CLYBL: variants seen among roughly 807,000 people sequenced by gnomAD.
CLYBL encodes the protein citramalyl-CoA lyase, mitochondrial.
In CLYBL, 31 loss-of-function variants were observed where a neutral mutation model predicts 38.9. The observed-to-expected ratio is 0.80, with a 90% CI of 0.60 to 1.08. The LOEUF (loss-of-function observed/expected upper bound fraction) is 1.08, where lower values mean the gene tolerates loss of function less well. Ranked by LOEUF, CLYBL falls within the 50% of genes least tolerant of loss-of-function variation. The probability of loss-of-function intolerance (pLI) is 0.00; values close to 1 mark genes in which losing one functional copy is unlikely to be tolerated. For missense variants in CLYBL, 434 were observed against 411.6 expected (o/e 1.05, Z -0.47); for synonymous variants, 171 against 158.6 (o/e 1.08, Z -0.59).
chr13:99,827,967 C>G (rs573246631), intron 2 of CLYBL, among the ~76,000 whole-genome samples: 1 of 152,148 alleles, frequency 6.6e-6, no homozygotes, highest in Non-Finnish European at 1.5e-5. Context: ...CATAGTCTCC[C>G]CTTCCCTTTG....
intron 1 of CLYBL, among the ~76,000 whole-genome samples, chr13:99,693,993 T>C (rs1029118150): frequency 6.6e-6 from 1 of 152,178 alleles, no homozygotes; most frequent in African/African-American, 2.4e-5. Context: ...TGCCCAAATT[T>C]ACAATAGGTT....
chr13:99,631,867 C>T (rs1240701254), intron 1 of CLYBL, among the ~76,000 whole-genome samples: 5 of 152,158 alleles, frequency 3.3e-5, no homozygotes, highest in Admixed American at 6.5e-5. Flanking sequence ...TCCCAAAGTG[C>T]TGGGATTACA....
chr13:99,785,191 C>CTTTTT lies in CLYBL; in HGVS notation c.249+12211_249+12215dup, dbSNP rs58550861. Among the ~76,000 whole-genome samples, 25 of 34,208 alleles carry CTTTTT rather than the reference C, an allele frequency of 7.3e-4. 1 individual carries two copies. Among genetic ancestry groups the CTTTTT allele is most frequent in the South Asian group, 3.3e-3 (2 of 614 alleles). 22.4% of individuals were successfully genotyped at this position (34,208 alleles called of 152,430 possible). On this transcript the variant is annotated intron_variant, in intron 2 of 8. Transcript: ENST00000339105. Reference sequence around the variant, plus strand: ...TACAGACTTGAGCCACCCCGCCTGGCTTTTTTTTTTTTTTTTTTTTTTTTT... The same window carrying CTTTTT: ...TACAGACTTGAGCCACCCCGCCTGGCTTTTTTTTTTTTTTTTTTTTTTTTTTTTTT...
intron 1 of CLYBL, among the ~76,000 whole-genome samples, chr13:99,736,433 A>G (rs1352864865): frequency 2.0e-5 from 3 of 151,856 alleles, no homozygotes; most frequent in Non-Finnish European, 4.4e-5. Context: ...AAATTTTAGG[A>G]TAATGGAGGT....
intron 2 of CLYBL, among the ~76,000 whole-genome samples, chr13:99,846,575 G>A (rs2051211451): frequency 6.6e-6 from 1 of 152,182 alleles, no homozygotes; most frequent in Non-Finnish European, 1.5e-5. Flanking sequence ...ATGTGCTGCT[G>A]AATATAAAGA....
rs549178767 is a variant in CLYBL at position 99,671,806 on chromosome 13, T to G, written c.62+65049T>G. Among the ~76,000 whole-genome samples the G allele has an allele frequency of 2.9e-4, 44 of 150,858 alleles. 4 individuals carry two copies. In the South Asian group the frequency reaches 9.0e-3, roughly 31 times the overall value. On this transcript the variant is annotated intron_variant, in intron 1 of 8. Coordinates refer to ENST00000339105, the MANE Select transcript of CLYBL (RefSeq NM_206808.5). ...AAAAAAAAAAAAAAATAATAAAAGC[T>G]ACTGCAAAAGTCCTCCTAGTAGGTG...
chr13:99,907,903 AGAC>A (rs1473300389), intron 9 of CLYBL, among the ~76,000 whole-genome samples: 1 of 152,146 alleles, frequency 6.6e-6, no homozygotes, highest in African/African-American at 2.4e-5. Flanking sequence ...CCAGGTGCCA[AGAC>A]TTTGGGCATG....
At chr13:99,674,725 A>G (rs975645570) in intron 1 of CLYBL, among the ~76,000 whole-genome samples, 2 of 152,144 alleles carry the variant, frequency 1.3e-5, no homozygotes, top group Non-Finnish European at 2.9e-5. Flanking sequence ...GGAACCAGCA[A>G]AGGAGATGGA....
intron 1 of CLYBL, among the ~76,000 whole-genome samples, chr13:99,765,578 G>A (rs2049252836): frequency 6.6e-6 from 1 of 151,446 alleles, no homozygotes; most frequent in Non-Finnish European, 1.5e-5. Context: ...TTTCCTCCCT[G>A]TGTCACCCAG....
In CLYBL at chr13:99,733,491, G is replaced by A. The variant is rs187802893; in HGVS notation, c.63-39333G>A. Reference sequence around the variant, plus strand: ...CTATTTCCCTTGCTTTTTATCTTGTGCACCACCAGTATACAACATAGTGGT... The same window carrying A: ...CTATTTCCCTTGCTTTTTATCTTGTACACCACCAGTATACAACATAGTGGT... On this transcript the variant is annotated intron_variant, in intron 1 of 8. Transcript: ENST00000339105. 5.9e-5 allele frequency among the ~76,000 whole-genome samples: 9 copies of A among 152,222 alleles called. No homozygotes were observed. In the East Asian group the frequency reaches 1.7e-3, roughly 29 times the overall value.
At chr13:99,885,097 G>T (rs749350819) in intron 7 of CLYBL, 3 of 530,190 alleles carry the variant, frequency 5.7e-6, no homozygotes, top group Non-Finnish European at 7.7e-6. Context: ...CAGGTCCTGG[G>T]AGTCAAAGGT....
At chr13:99,716,395 CT>C (rs71689410) in intron 1 of CLYBL, among the ~76,000 whole-genome samples, 108 of 135,202 alleles carry the variant, frequency 8.0e-4, no homozygotes, top group Middle Eastern at 3.7e-3. Flanking sequence ...CTTTTCTTTT[CT>C]TTTTTTTTTT....
At chr13:99,701,792 A>G (rs1706720734) in intron 1 of CLYBL, among the ~76,000 whole-genome samples, 1 of 152,170 alleles carries the variant, frequency 6.6e-6, no homozygotes, top group Admixed American at 6.6e-5. Flanking sequence ...CTCCTGCCTC[A>G]GCTTCCCGAA....
exon 10 of CLYBL, among the ~76,000 whole-genome samples, chr13:99,908,951 C>T (rs2052723855): frequency 1.3e-5 from 2 of 152,206 alleles, no homozygotes; most frequent in African/African-American, 2.4e-5. Context: ...TCCCATTCCA[C>T]AAGCCCATGC....
intron 8 of CLYBL, among the ~76,000 whole-genome samples, chr13:99,903,964 G>C (rs1258488915): frequency 6.6e-6 from 1 of 151,972 alleles, no homozygotes; most frequent in African/African-American, 2.4e-5. Context: ...AGGAGCACTT[G>C]AGCCCAAGAG....
downstream of CLYBL, among the ~76,000 whole-genome samples, chr13:99,901,416 T>G (rs2052640382): frequency 6.6e-6 from 1 of 152,174 alleles, no homozygotes; most frequent in Non-Finnish European, 1.5e-5. Context: ...GGCCATGAGC[T>G]GCTTGCAGGA....
intron 1 of CLYBL, among the ~76,000 whole-genome samples, chr13:99,670,875 A>G (rs1409481400): frequency 6.6e-6 from 1 of 152,176 alleles, no homozygotes; most frequent in East Asian, 1.9e-4. Context: ...ACAGCAAGCC[A>G]GAGAATCAGA....
intron 7 of CLYBL, among the ~76,000 whole-genome samples, chr13:99,877,235 C>T (rs2052066763): frequency 6.6e-6 from 1 of 152,182 alleles, no homozygotes; most frequent in Non-Finnish European, 1.5e-5. Context: ...ACACACACCC[C>T]ATGGTGTTCA....
At chr13:99,677,297 C>G (rs1160276323) in intron 1 of CLYBL, among the ~76,000 whole-genome samples, 2 of 151,812 alleles carry the variant, frequency 1.3e-5, no homozygotes, top group African/African-American at 4.8e-5. Context: ...GATAAAGATG[C>G]CAGAAACGGC....
Sources: allele counts gnomAD v4.1 joint callset (sites outside exome capture counted in the v4.1 genomes callset), GRCh38; gene constraint gnomAD v4.1.1; transcripts MANE v1.5; gene names NCBI Gene and HGNC (gene_info 2026-07-23, HGNC 2026-07-21).